Variants in DYNC2H1 observed in about 807,000 individuals in gnomAD.
DYNC2H1 encodes dynein cytoplasmic 2 heavy chain 1.
In DYNC2H1, 410 loss-of-function variants were observed where a neutral mutation model predicts 570.0. The observed-to-expected ratio is 0.72, with a 90% CI of 0.66 to 0.78. The LOEUF (loss-of-function observed/expected upper bound fraction) is 0.78. Ranked by LOEUF, DYNC2H1 falls within the 30% of genes least tolerant of loss-of-function variation. The probability of loss-of-function intolerance (pLI) is 0.00; values close to 1 mark genes in which losing one functional copy is unlikely to be tolerated. For synonymous variants in DYNC2H1, 1,688 were observed against 1,677.6 expected (o/e 1.01, Z -0.15); for missense variants, 4,865 against 5,046.4 (o/e 0.96, Z 1.09).
intron 5 of DYNC2H1, among the ~76,000 whole-genome samples, 193 bp downstream of exon 5, chr11:103,116,907 A>G (rs1858427795): frequency 6.6e-6 from 1 of 151,868 alleles, no homozygotes; most frequent in African/African-American, 2.4e-5. Flanking sequence ...AATTCTTTGA[A>G]CCATTGATAT....
intron 83 of DYNC2H1, among the ~76,000 whole-genome samples, chr11:103,391,063 A>C (rs1022532529): frequency 5.3e-5 from 8 of 151,956 alleles, no homozygotes; most frequent in Non-Finnish European, 7.4e-5. Context: ...GATTGGGGAA[A>C]TTCTCCCTGA....
At position 103,177,769 on chromosome 11, in the gene DYNC2H1, TC is replaced by T; in HGVS notation, c.6089del (p.Ser2030LeufsTer5). The part of the protein sequence containing the change: ...GHIDMDTREW[S>X]DGVLTNSARQ... ...TATTGACATGGACACAAGAGAATGG[TC>T]TGATGGTGTTTTGACAAATAGTGCT... On this transcript the variant is annotated frameshift_variant, in exon 38 of 89. Coordinates refer to ENST00000375735, the MANE Select transcript of DYNC2H1 (RefSeq NM_001377.3). LOFTEE classifies it high-confidence loss of function. The surrounding 1 kb of genome is among the most constrained non-coding windows in gnomAD (Gnocchi z 4.4). 1 of 1,613,092 alleles carries T rather than the reference TC, an allele frequency of 6.2e-7. No individual in the cohort carries two copies. The highest frequency in any genetic ancestry group is 8.5e-7 in the Non-Finnish European group (1 of 1,179,520).
At chr11:103,438,539 G>C (rs1944141254) in intron 85 of DYNC2H1, among the ~76,000 whole-genome samples, 1 of 149,672 alleles carries the variant, frequency 6.7e-6, no homozygotes, top group African/African-American at 2.5e-5. Context: ...GTTGAGCCCA[G>C]ATCCAGCTAT....
At chr11:103,120,342 A>G in intron 6 of DYNC2H1, 105 bp from the exon 7 acceptor site, 1 of 1,119,396 alleles carries the variant, frequency 8.9e-7, no homozygotes, top group South Asian at 2.2e-5. Flanking sequence ...TTTTTTTAGT[A>G]AACCTAATTT....
intron 75 of DYNC2H1, among the ~76,000 whole-genome samples, chr11:103,290,642 G>A (rs1054282836): frequency 1.3e-5 from 2 of 152,100 alleles, no homozygotes; most frequent in South Asian, 4.2e-4. Flanking sequence ...CTCTGTCTTT[G>A]TCTCAATCTT....
intron 83 of DYNC2H1, among the ~76,000 whole-genome samples, chr11:103,393,495 T>TA (rs1249519376): frequency 6.6e-6 from 1 of 152,238 alleles, no homozygotes; most frequent in Non-Finnish European, 1.5e-5. Context: ...TTATTTGCTT[T>TA]AAAATTATTT....
intron 84 of DYNC2H1, chr11:103,402,659 T>C (rs4754074): frequency 0.67 from 101,409 of 151,978 alleles, 35,649 homozygotes; most frequent in African/African-American, 0.91. Context: ...ATGGCGAATT[T>C]GAGAATGGTT....
In DYNC2H1 at chr11:103,157,427, C is replaced by T. The variant is rs1481170909; in HGVS notation, c.4127+657C>T. ...ATCCATGAGCTTAATTTACCAGTTCCTTTCCAACAAATCTTTCTTCTTTCT... is the reference window on the plus strand; with the variant it reads ...ATCCATGAGCTTAATTTACCAGTTCTTTTCCAACAAATCTTTCTTCTTTCT... On this transcript the variant is annotated intron_variant, in intron 26 of 88. Transcript: ENST00000375735. The surrounding 1 kb of genome is among the most constrained non-coding windows in gnomAD (Gnocchi z 4.2). 1.3e-5 allele frequency among the ~76,000 whole-genome samples: 2 copies of T among 152,354 alleles called. No homozygotes were observed. The highest frequency in any genetic ancestry group is 2.1e-4 in the South Asian group (1 of 4,834).
At chr11:103,265,209 T>TG (rs1264702431) in intron 70 of DYNC2H1, among the ~76,000 whole-genome samples, 1 of 151,980 alleles carries the variant, frequency 6.6e-6, no homozygotes, top group Non-Finnish European at 1.5e-5. Context: ...TGGAGCCTGT[T>TG]GGGGGGTGCG....
intron 59 of DYNC2H1, among the ~76,000 whole-genome samples, chr11:103,226,627 G>A (rs1406991246): frequency 1.3e-5 from 2 of 152,058 alleles, no homozygotes; most frequent in African/African-American, 4.8e-5. Flanking sequence ...GTTTTGTGGA[G>A]GATTTTTGCA....
intron 84 of DYNC2H1, among the ~76,000 whole-genome samples, chr11:103,432,041 G>A (rs1012987190): frequency 6.6e-6 from 1 of 152,144 alleles, no homozygotes. Flanking sequence ...CAGACCAGCC[G>A]CCGAGCACCA....
chr11:103,110,571 T>C (rs2510094), intron 1 of DYNC2H1, among the ~76,000 whole-genome samples: 9,644 of 152,176 alleles, frequency 0.063, 356 homozygotes, highest in South Asian at 0.13. Context: ...TGTGATATAC[T>C]GATTTATTAA....
At position 103,222,223 on chromosome 11, in the gene DYNC2H1, G is replaced by A. The variant is rs1438342948; in HGVS notation, c.9231+70G>A. 5 of 1,080,846 alleles carry A rather than the reference G, an allele frequency of 4.6e-6. No individual in the cohort carries two copies. The African/African-American group carries it at 4.8e-5, about 10-fold the overall frequency. The allele number at this position is 1,080,846 out of a possible 1,614,324, so 67.0% of individuals were successfully genotyped here. A position where few individuals can be genotyped will look rare whatever the true frequency, so the allele number is the denominator to read the frequency against. On this transcript the variant is annotated intron_variant, in intron 58 of 88. Transcript: ENST00000375735. ...AATATTCTGCTTTTTAAAATGTGGT[G>A]CTTTGTCATTGCCAACTGTTTAGAT...
intron 85 of DYNC2H1, among the ~76,000 whole-genome samples, chr11:103,445,738 G>A (rs866990297): frequency 2.4e-4 from 37 of 152,120 alleles, no homozygotes; most frequent in African/African-American, 8.9e-4. Context: ...TGCAAGCTCT[G>A]CCTCCTGGGT....
chr11:103,197,476 C>T (rs920099770), intron 47 of DYNC2H1, among the ~76,000 whole-genome samples: 2 of 152,022 alleles, frequency 1.3e-5, no homozygotes, highest in Non-Finnish European at 2.9e-5. Flanking sequence ...TGAGATAGAT[C>T]TCACTCTCTT....
chr11:103,278,627 G>A (rs1006035461), intron 70 of DYNC2H1, among the ~76,000 whole-genome samples: 2 of 151,770 alleles, frequency 1.3e-5, no homozygotes, highest in African/African-American at 4.8e-5. Flanking sequence ...TATGCAATGG[G>A]GAGATCTTGG....
At chr11:103,333,014 AAT>A (rs1055255368) in intron 82 of DYNC2H1, among the ~76,000 whole-genome samples, 8 of 145,414 alleles carry the variant, frequency 5.5e-5, no homozygotes, top group Non-Finnish European at 1.1e-4. Context: ...AAAAAAAAAA[AAT>A]CTTTCTTAAA....
At position 103,205,635 on chromosome 11, in the gene DYNC2H1, T is replaced by C. The variant is rs77357427; in HGVS notation, c.8454+671T>C. On this transcript the variant is annotated intron_variant, in intron 52 of 88. Coordinates refer to ENST00000375735, the MANE Select transcript of DYNC2H1 (RefSeq NM_001377.3). The surrounding 1 kb of genome is among the most constrained non-coding windows in gnomAD (Gnocchi z 4.5). ...CATTCATTAAGAAGTAATTATTGGG[T>C]GCTTAGTAAGTACCACTGTTCTATA... 1.1e-3 allele frequency among the ~76,000 whole-genome samples: 168 copies of C among 152,206 alleles called. 2 individuals are homozygous for C. In the East Asian group the frequency reaches 0.031, roughly 28 times the overall value.
intron 75 of DYNC2H1, among the ~76,000 whole-genome samples, chr11:103,296,556 T>G (rs573811783): frequency 1.3e-5 from 2 of 152,288 alleles, no homozygotes; most frequent in African/African-American, 4.8e-5. Flanking sequence ...GGACAAAAAT[T>G]CTTCATTTCC....
Sources: allele counts gnomAD v4.1 joint callset (sites outside exome capture counted in the v4.1 genomes callset), GRCh38; gene constraint gnomAD v4.1.1; non-coding constraint Gnocchi (gnomAD v3.1); transcripts MANE v1.5; gene names NCBI Gene and HGNC (gene_info 2026-07-23, HGNC 2026-07-21).